Variants in ARID1B observed in about 807,000 individuals in gnomAD.
The protein encoded by ARID1B is AT-rich interactive domain-containing protein 1B.
In ARID1B, 30 loss-of-function variants were observed where a neutral mutation model predicts 212.3. The observed-to-expected ratio is 0.14, with a 90% CI of 0.11 to 0.19. ARID1B has a LOEUF of 0.19. Among genes scored for constraint, ARID1B ranks in the 10% least tolerant of loss-of-function variants. The pLI is 1.00. For synonymous variants in ARID1B, 1,402 were observed against 1,301.7 expected (o/e 1.08, Z -1.66); for missense variants, 2,891 against 3,204.0 (o/e 0.90, Z 2.36).
chr6:157,034,669 C>T (rs1781212445), intron 4 of ARID1B, among the ~76,000 whole-genome samples: 2 of 152,164 alleles, frequency 1.3e-5, no homozygotes, highest in Non-Finnish European at 2.9e-5. Flanking sequence ...GGGATTCCTT[C>T]CAACTTAGGT....
intron 6 of ARID1B, among the ~76,000 whole-genome samples, chr6:157,115,065 T>G (rs762605601): frequency 1.3e-5 from 2 of 152,186 alleles, no homozygotes; most frequent in Non-Finnish European, 2.9e-5. Context: ...AGTGCCCAGC[T>G]TTCCTGACAG....
chr6:157,125,663 C>A (rs1256345965), intron 6 of ARID1B, among the ~76,000 whole-genome samples: 1 of 152,208 alleles, frequency 6.6e-6, no homozygotes, highest in African/African-American at 2.4e-5. Context: ...CTGATACTCT[C>A]ATAGCACCTG....
At chr6:156,818,644 G>T (rs1276130445) in intron 1 of ARID1B, among the ~76,000 whole-genome samples, 3 of 152,202 alleles carry the variant, frequency 2.0e-5, no homozygotes, top group Admixed American at 2.0e-4. Flanking sequence ...CTAGTCAGAA[G>T]TAGGAGAGAG....
intron 4 of ARID1B, among the ~76,000 whole-genome samples, chr6:157,039,491 C>T (rs572541046): frequency 7.3e-4 from 111 of 151,460 alleles, no homozygotes; most frequent in Admixed American, 1.6e-3. Flanking sequence ...CCACCGCGCC[C>T]GGCTAATTTT....
intron 6 of ARID1B, among the ~76,000 whole-genome samples, chr6:157,127,674 G>A (rs1788223489): frequency 6.6e-6 from 1 of 151,432 alleles, no homozygotes; most frequent in Admixed American, 6.6e-5. Context: ...TACTCAGGAG[G>A]CTGAGGCAGG....
intron 18 of ARID1B, among the ~76,000 whole-genome samples, chr6:157,202,950 C>T (rs1462922338): frequency 6.6e-6 from 1 of 151,930 alleles, no homozygotes; most frequent in Non-Finnish European, 1.5e-5. Context: ...TCTCCCAGTG[C>T]GGGTTATATA....
intron 3 of ARID1B, among the ~76,000 whole-genome samples, chr6:156,933,471 G>A (rs544354418): frequency 6.6e-6 from 1 of 152,306 alleles, no homozygotes; most frequent in South Asian, 2.1e-4. Context: ...TGTGACAAGT[G>A]GAAATCTAGA....
At chr6:157,115,431 G>A (rs1787260217) in intron 6 of ARID1B, among the ~76,000 whole-genome samples, 1 of 151,686 alleles carries the variant, frequency 6.6e-6, no homozygotes, top group Non-Finnish European at 1.5e-5. Context: ...TTGTTTGTTT[G>A]TTTTGTTTGT....
At chr6:157,098,782 G>A (rs1785845832) in intron 5 of ARID1B, among the ~76,000 whole-genome samples, 1 of 152,082 alleles carries the variant, frequency 6.6e-6, no homozygotes, top group East Asian at 1.9e-4. Flanking sequence ...GAGTGGAGTG[G>A]CAAGTGCAGT....
At chr6:156,869,237 C>G (rs1298357133) in intron 2 of ARID1B, among the ~76,000 whole-genome samples, 7 of 152,252 alleles carry the variant, frequency 4.6e-5, no homozygotes, top group African/African-American at 1.7e-4. Context: ...GCTGTTTTTT[C>G]TAATGACACT....
intron 15 of ARID1B, 153 bp from the exon 16 acceptor site, chr6:157,196,012 G>A (rs1793691903): frequency 1.1e-6 from 1 of 916,512 alleles, no homozygotes; most frequent in African/African-American, 1.7e-5. Context: ...AGTGAGCCAA[G>A]ATCACACCAC....
chr6:157,186,525 ACACAGCAGGTGGCCTCTCCGAT>A (rs1346404609), intron 13 of ARID1B: 1 of 471,172 alleles, frequency 2.1e-6, no homozygotes, highest in Non-Finnish European at 4.4e-6. Flanking sequence ...ACTGCCACCC[ACACAGCAGGTGGCCTCTCCGAT>A]TCCAGTCCCA....
In ARID1B at chr6:156,778,268, CCAG is replaced by C. The variant is rs587779743; in HGVS notation, c.609_611del (p.Gln214del). 3.1e-4 allele frequency: 469 copies of C among 1,522,410 alleles called. No homozygotes were observed. Among genetic ancestry groups the C allele is most frequent in the Middle Eastern group, 1.2e-3 (7 of 5,822 alleles). 94.3% of individuals were successfully genotyped at this position (1,522,410 alleles called of 1,614,324 possible). A position where few individuals can be genotyped will look rare whatever the true frequency, so the allele number is the denominator to read the frequency against. ...CACTACAGCAGCAGCTAAACCAGTT[CCAG>C]CAGCAGCAGCAGCAGCAGCAACAGC... On this transcript the variant is annotated inframe_deletion, in exon 1 of 20. Coordinates refer to ENST00000636930, the MANE Select transcript of ARID1B (RefSeq NM_001374828.1).
intron 4 of ARID1B, among the ~76,000 whole-genome samples, chr6:157,074,147 C>T (rs1011261602): frequency 6.6e-6 from 1 of 152,204 alleles, no homozygotes; most frequent in Non-Finnish European, 1.5e-5. Context: ...AAGCAGGTTT[C>T]ATTAGAGGAT....
At chr6:157,063,555 T>C (rs994435372) in intron 4 of ARID1B, among the ~76,000 whole-genome samples, 3 of 152,236 alleles carry the variant, frequency 2.0e-5, no homozygotes, top group African/African-American at 7.2e-5. Flanking sequence ...AATTCTATTA[T>C]ACCATAAGAA....
At chr6:156,934,969 A>G (rs1303268284) in intron 3 of ARID1B, among the ~76,000 whole-genome samples, 1 of 118,196 alleles carries the variant, frequency 8.5e-6, no homozygotes, top group Non-Finnish European at 1.7e-5. Flanking sequence ...TATAGTTTAT[A>G]TTTCTGCTGT....
intron 4 of ARID1B, among the ~76,000 whole-genome samples, chr6:157,007,244 A>G (rs2128444956): frequency 6.6e-6 from 1 of 152,386 alleles, no homozygotes. Context: ...ACTTTCAGGA[A>G]GGTAGAAAAA....
At chr6:156,951,342 T>C (rs1421935058) in intron 4 of ARID1B, among the ~76,000 whole-genome samples, 1 of 152,164 alleles carries the variant, frequency 6.6e-6, no homozygotes. Flanking sequence ...CAGTTACTGA[T>C]GAATAATGAT....
At chr6:157,167,243 G>T (rs1210154391) in intron 9 of ARID1B, 58 bp downstream of exon 9, 2 of 1,550,076 alleles carry the variant, frequency 1.3e-6, no homozygotes, top group Non-Finnish European at 1.7e-6. Context: ...CTCCTCTTAG[G>T]CTCCACCAGT....
Sources: allele counts gnomAD v4.1 joint callset (sites outside exome capture counted in the v4.1 genomes callset), GRCh38; gene constraint gnomAD v4.1.1; transcripts MANE v1.5; gene names NCBI Gene and HGNC (gene_info 2026-07-23, HGNC 2026-07-21).